Variants in ADCY1 observed in about 807,000 individuals in gnomAD.
ADCY1 encodes adenylate cyclase type 1.
ADCY1 carries 28 observed loss-of-function variants against 105.4 expected under a neutral mutation model. The observed-to-expected ratio is 0.27, with a 90% CI of 0.20 to 0.36. The LOEUF is 0.36. Ranked by LOEUF, ADCY1 falls within the 10% of genes least tolerant of loss-of-function variation. ADCY1 has a pLI of 1.00. For synonymous variants in ADCY1, 655 were observed against 623.8 expected (o/e 1.05, Z -0.75); for missense variants, 977 against 1,434.2 (o/e 0.68, Z 5.15).
intron 5 of ADCY1, 123 bp from the exon 6 acceptor site, chr7:45,657,604 C>A: frequency 1.9e-6 from 2 of 1,062,150 alleles, no homozygotes; most frequent in Non-Finnish European, 2.7e-6. Context: ...CACGCTCAGG[C>A]CACATGCAGC....
chr7:45,585,885 A>C (rs2115741544), intron 1 of ADCY1, among the ~76,000 whole-genome samples: 1 of 152,182 alleles, frequency 6.6e-6, no homozygotes, highest in East Asian at 1.9e-4. Context: ...GTGGGGGTGG[A>C]CAAGCTGGAA....
chr7:45,673,043 T>G (rs1784393671), intron 8 of ADCY1, among the ~76,000 whole-genome samples: 1 of 152,188 alleles, frequency 6.6e-6, no homozygotes, highest in South Asian at 2.1e-4. Flanking sequence ...GTCAAATGGT[T>G]TTTCTGTATC....
intron 5 of ADCY1, among the ~76,000 whole-genome samples, chr7:45,656,088 C>T (rs1794935004): frequency 6.6e-6 from 1 of 151,470 alleles, no homozygotes; most frequent in Non-Finnish European, 1.5e-5. Flanking sequence ...GAGATTGAGA[C>T]CATCCTGGCT....
chr7:45,657,948 A>G, intron 6 of ADCY1, 63 bp downstream of exon 6: 1 of 1,522,956 alleles, frequency 6.6e-7, no homozygotes, highest in Admixed American at 1.9e-5. Context: ...CCCTGGGCTA[A>G]ATCCTTGCTT....
intron 3 of ADCY1, among the ~76,000 whole-genome samples, chr7:45,614,305 CTTAAG>C (rs1332322021): frequency 6.6e-6 from 1 of 151,966 alleles, no homozygotes; most frequent in Admixed American, 6.6e-5. Context: ...TGTAATTGAA[CTTAAG>C]TTGTTATCAG....
intron 17 of ADCY1, among the ~76,000 whole-genome samples, chr7:45,707,011 C>G (rs1785135634): frequency 6.6e-6 from 1 of 152,184 alleles, no homozygotes; most frequent in African/African-American, 2.4e-5. Flanking sequence ...TAAAATATCA[C>G]TAGATACCTG....
intron 2 of ADCY1, among the ~76,000 whole-genome samples, chr7:45,597,755 C>T (rs1025466461): frequency 5.9e-5 from 9 of 152,188 alleles, no homozygotes; most frequent in South Asian, 2.1e-4. Context: ...ACTCTCCTCC[C>T]GTCCACCTTC....
intron 14 of ADCY1, among the ~76,000 whole-genome samples, chr7:45,694,112 TAATAAAA>T (rs1209040532): frequency 1.6e-4 from 5 of 31,782 alleles, no homozygotes; most frequent in African/African-American, 4.4e-4. Flanking sequence ...ACTTAGAGTA[TAATAAAA>T]AAAAAAAAAA....
chr7:45,634,163 T>C (rs1794335731), intron 4 of ADCY1, among the ~76,000 whole-genome samples: 1 of 152,168 alleles, frequency 6.6e-6, no homozygotes, highest in Admixed American at 6.5e-5. Flanking sequence ...ACATAAATCA[T>C]CATGTTGTTT....
At chr7:45,698,410 C>T (rs1584340072) in intron 14 of ADCY1, among the ~76,000 whole-genome samples, 2 of 152,114 alleles carry the variant, frequency 1.3e-5, no homozygotes, top group Non-Finnish European at 2.9e-5. Flanking sequence ...AAGCCTTAAC[C>T]GAAATGCATT....
At chr7:45,709,207 T>C (rs1785178854) in intron 18 of ADCY1, among the ~76,000 whole-genome samples, 1 of 152,138 alleles carries the variant, frequency 6.6e-6, no homozygotes, top group African/African-American at 2.4e-5. Context: ...TTAGGCATGG[T>C]GTCTGGGCAG....
intron 14 of ADCY1, among the ~76,000 whole-genome samples, chr7:45,697,386 C>CTTTTTT (rs34522967): frequency 9.2e-6 from 1 of 108,264 alleles, no homozygotes; most frequent in African/African-American, 3.5e-5. Flanking sequence ...CTCTCTTTAC[C>CTTTTTT]TTTTTTTTTT....
At chr7:45,690,036 G>T (rs1468251629) in intron 14 of ADCY1, among the ~76,000 whole-genome samples, 2 of 152,242 alleles carry the variant, frequency 1.3e-5, no homozygotes, top group African/African-American at 2.4e-5. Flanking sequence ...TCCAAAGGTG[G>T]TCTGACAATG....
At chr7:45,586,397 T>A (rs1158117081) in intron 1 of ADCY1, among the ~76,000 whole-genome samples, 1 of 152,196 alleles carries the variant, frequency 6.6e-6, no homozygotes, top group Non-Finnish European at 1.5e-5. Context: ...GCCTGTCAAA[T>A]TATTTTTTAA....
intron 8 of ADCY1, among the ~76,000 whole-genome samples, chr7:45,676,247 A>C (rs571535851): frequency 1.3e-5 from 2 of 151,870 alleles, no homozygotes; most frequent in South Asian, 4.2e-4. Context: ...CTTTTTTCTG[A>C]GACTTGCTAT....
At chr7:45,659,934 C>T in intron 6 of ADCY1, 108 bp from the exon 7 acceptor site, 1 of 1,407,728 alleles carries the variant, frequency 7.1e-7, no homozygotes. Flanking sequence ...GGAGCCTGCC[C>T]TGGTGTGGGG....
At position 45,711,607 on chromosome 7, in the gene ADCY1, GTATATATATA is replaced by G. The variant is rs71030888; in HGVS notation, c.3057+984_3057+993del. ...CCATCCACCTCCAGAACTTCGTGCT[GTATATATATA>G]TATATATATATATATATATATATAT... On this transcript the variant is annotated intron_variant, in intron 19 of 19. Coordinates refer to ENST00000297323, the MANE Select transcript of ADCY1 (RefSeq NM_021116.4). Among the ~76,000 whole-genome samples the G allele has an allele frequency of 1.6e-3, 114 of 70,798 alleles. 1 individual carries two copies. The highest frequency in any genetic ancestry group is 5.1e-3 in the African/African-American group (103 of 20,148). The allele number at this position is 70,798 out of a possible 152,430, so 46.4% of individuals were successfully genotyped here.
At chr7:45,628,200 C>G (rs180732645) in intron 4 of ADCY1, among the ~76,000 whole-genome samples, 2 of 152,352 alleles carry the variant, frequency 1.3e-5, no homozygotes, top group South Asian at 2.1e-4. Context: ...GAGCCACTCT[C>G]TAAAGCTTGT....
chr7:45,696,438 C>CAAA (rs11365338), intron 14 of ADCY1, among the ~76,000 whole-genome samples: 12 of 73,914 alleles, frequency 1.6e-4, no homozygotes, highest in African/African-American at 5.1e-4. Flanking sequence ...TACTCCATCT[C>CAAA]AAAAAAAAAA....
Sources: allele counts gnomAD v4.1 joint callset (sites outside exome capture counted in the v4.1 genomes callset), GRCh38; gene constraint gnomAD v4.1.1; transcripts MANE v1.5; gene names NCBI Gene and HGNC (gene_info 2026-07-23, HGNC 2026-07-21).